The following RPSA2 variants were observed in gnomAD, a reference collection of about 807,000 sequenced individuals.
RPSA2 encodes ribosomal protein SA 2, also known as small ribosomal subunit protein uS2B.
At chr19:23,790,954 G>A in the RPSA2 span, among the ~76,000 whole-genome samples, 1 of 152,180 alleles carries the variant, frequency 6.6e-6, no homozygotes, top group South Asian at 2.1e-4. Context: ...GCTGACAGCC[G>A]GGCCCCCGGG....
At chr19:23,835,113 T>C in the RPSA2 span, among the ~76,000 whole-genome samples, 9 of 152,136 alleles carry the variant, frequency 5.9e-5, no homozygotes, top group Admixed American at 2.0e-4. Flanking sequence ...TAAATTGTTA[T>C]TGACTACAGG....
At chr19:23,758,756 G>A in the RPSA2 span, 5 of 1,614,238 alleles carry the variant, frequency 3.1e-6, no homozygotes, top group Middle Eastern at 1.6e-4. Flanking sequence ...CCATTTCTAG[G>A]TTTCCGGGGG....
chr19:23,844,806 A>G, the RPSA2 span, among the ~76,000 whole-genome samples: 1 of 151,784 alleles, frequency 6.6e-6, no homozygotes, highest in Non-Finnish European at 1.5e-5. Flanking sequence ...GAATTTTATT[A>G]TCCTCAATTT....
At chr19:23,781,001 G>A in the RPSA2 span, among the ~76,000 whole-genome samples, 1 of 152,190 alleles carries the variant, frequency 6.6e-6, no homozygotes, top group Non-Finnish European at 1.5e-5. Flanking sequence ...CTTTGAGACA[G>A]TCTCGCTCTG....
the RPSA2 span, among the ~76,000 whole-genome samples, chr19:23,820,750 T>C: frequency 6.6e-6 from 1 of 152,344 alleles, no homozygotes; most frequent in African/African-American, 2.4e-5. Context: ...TAAATATTGA[T>C]CTTTTTGTCC....
chr19:23,821,513 T>C, the RPSA2 span, among the ~76,000 whole-genome samples: 1 of 152,176 alleles, frequency 6.6e-6, no homozygotes, highest in Non-Finnish European at 1.5e-5. Context: ...CCTCCCCCAC[T>C]TCTAATGTGA....
the RPSA2 span, chr19:23,799,159 A>G: frequency 1.3e-5 from 2 of 152,188 alleles, no homozygotes; most frequent in South Asian, 2.1e-4. Flanking sequence ...TCAATCTTAT[A>G]TCTAATTTCA....
At chr19:23,848,846 C>A in the RPSA2 span, among the ~76,000 whole-genome samples, 1 of 152,264 alleles carries the variant, frequency 6.6e-6, no homozygotes, top group Middle Eastern at 3.4e-3. Flanking sequence ...ACAAAATGAG[C>A]CATTTGAATA....
At chr19:23,827,495 A>G in the RPSA2 span, 1 of 1,595,928 alleles carries the variant, frequency 6.3e-7, no homozygotes. Flanking sequence ...CACTAACCAG[A>G]TCCAGGCAGC....
At chr19:23,867,878 G>T in the RPSA2 span, among the ~76,000 whole-genome samples, 23 of 151,762 alleles carry the variant, frequency 1.5e-4, no homozygotes, top group South Asian at 1.0e-3. Flanking sequence ...TATTATTGGG[G>T]TCATTGATAC....
the RPSA2 span, among the ~76,000 whole-genome samples, chr19:23,863,428 G>A: frequency 0.98 from 148,819 of 152,132 alleles, 72,881 homozygotes; most frequent in Middle Eastern, 1. Flanking sequence ...GCCAGGCATC[G>A]TGATAGGCAC....
At chr19:23,777,345 G>A in the RPSA2 span, among the ~76,000 whole-genome samples, 11 of 152,162 alleles carry the variant, frequency 7.2e-5, no homozygotes, top group Non-Finnish European at 1.2e-4. Context: ...TCTCCTGCAT[G>A]GGCTTTGCCT....
At chr19:23,766,561 TCTC>T in the RPSA2 span, among the ~76,000 whole-genome samples, 1 of 150,734 alleles carries the variant, frequency 6.6e-6, no homozygotes, top group Non-Finnish European at 1.5e-5. Context: ...TTCACGCCAT[TCTC>T]CTGCCTCAGC....
chr19:23,845,844 ATTGT>A, the RPSA2 span, among the ~76,000 whole-genome samples: 25,925 of 152,002 alleles, frequency 0.17, 2,964 homozygotes, highest in East Asian at 0.51. Flanking sequence ...TGTTGTTTTA[ATTGT>A]TTGTAAATTT....
chr19:23,793,829 G>T, the RPSA2 span, among the ~76,000 whole-genome samples: 2 of 152,262 alleles, frequency 1.3e-5, no homozygotes, highest in East Asian at 3.9e-4. Context: ...CTCCCAAAGT[G>T]CTGGGGTTAC....
chr19:23,766,143 C>T, the RPSA2 span, among the ~76,000 whole-genome samples: 24,017 of 29,078 alleles, frequency 0.83, 10,089 homozygotes, highest in Middle Eastern at 0.9. Context: ...ATTTCATTTC[C>T]TTTTTTTTTT....
At chr19:23,865,364 G>T in the RPSA2 span, among the ~76,000 whole-genome samples, 2 of 152,200 alleles carry the variant, frequency 1.3e-5, no homozygotes, top group Non-Finnish European at 2.9e-5. Flanking sequence ...ATAACCCATT[G>T]TTTCCACAGG....
At chr19:23,792,591 GT>G in the RPSA2 span, among the ~76,000 whole-genome samples, 1 of 144,224 alleles carries the variant, frequency 6.9e-6, no homozygotes, top group Admixed American at 6.9e-5. Flanking sequence ...TTTTGTTTTT[GT>G]TTTTTTTTTT....
At chr19:23,799,073 C>T in the RPSA2 span, 1 of 152,214 alleles carries the variant, frequency 6.6e-6, no homozygotes, top group Non-Finnish European at 1.5e-5. Flanking sequence ...TCATGTTTCT[C>T]ATGCTGAGAG....
Sources: gnomAD v4.1 joint callset for allele counts (sites outside exome capture counted in the v4.1 genomes callset) on GRCh38, gnomAD v4.1.1 for gene constraint, MANE v1.5 for transcripts, NCBI Gene and HGNC (gene_info 2026-07-23, HGNC 2026-07-21) for gene names.